The following RAB21 variants were observed in gnomAD, a reference collection of about 807,000 sequenced individuals.
The protein encoded by RAB21 is ras-related protein Rab-21.
A neutral mutation model predicts 33.1 loss-of-function variants in RAB21; 13 were observed. The observed-to-expected ratio is 0.39, with a 90% CI of 0.26 to 0.62. The LOEUF is 0.62. RAB21 is among the 20% of genes least tolerant of loss of function. The pLI, the probability that RAB21 is intolerant of heterozygous loss-of-function variation, is 0.48. For synonymous variants in RAB21, 91 were observed against 103.7 expected (o/e 0.88, Z 0.74); for missense variants, 234 against 279.1 (o/e 0.84, Z 1.15).
intron 6 of RAB21, 93 bp from the exon 7 acceptor site, chr12:71,785,438 C>T: frequency 7.1e-7 from 1 of 1,415,082 alleles, no homozygotes; most frequent in Non-Finnish European, 9.6e-7. Flanking sequence ...GGTCGAAAGT[C>T]AGAAATAGCT....
chr12:71,784,540 C>T (rs181170029), intron 6 of RAB21, among the ~76,000 whole-genome samples: 3 of 151,752 alleles, frequency 2.0e-5, no homozygotes, highest in African/African-American at 7.2e-5. Flanking sequence ...AATAGATGTC[C>T]AGTTCTATTA....
rs1473361599 is a variant in RAB21 at position 71,797,099 on chromosome 12, G to T, written c.*11426G>T. On this transcript the variant is annotated 3_prime_UTR_variant, in exon 7 of 7. Coordinates refer to ENST00000261263, the MANE Select transcript of RAB21 (RefSeq NM_014999.4). ...ATTCTATGTGGAGCATTTTACAGGG[G>T]CTCTGAAAGGTATACAAAATGTACT... The T allele has an allele frequency of 6.6e-6, 1 of 152,062 alleles. No homozygotes were observed. Among genetic ancestry groups the T allele is most frequent in the Non-Finnish European group, 1.5e-5 (1 of 67,968 alleles). The allele number at this position is 152,062 out of a possible 1,614,324, so 9.4% of individuals were successfully genotyped here.
At chr12:71,762,406 C>T (rs1399816143) in intron 1 of RAB21, among the ~76,000 whole-genome samples, 6 of 151,966 alleles carry the variant, frequency 3.9e-5, no homozygotes, top group Admixed American at 2.0e-4. Context: ...CCCAGGTTCA[C>T]GCCATTCTCC....
At chr12:71,782,493 T>C in intron 5 of RAB21, 77 bp from the exon 6 acceptor site, 1 of 959,650 alleles carries the variant, frequency 1.0e-6, no homozygotes. Flanking sequence ...TCACTAAAAC[T>C]GTTACTATAA....
Position 71,792,774 on chromosome 12 carries a change from G to A in RAB21, c.*7101G>A, listed in dbSNP as rs1592654294. On this transcript the variant is annotated 3_prime_UTR_variant, in exon 7 of 7. Coordinates refer to ENST00000261263, the MANE Select transcript of RAB21 (RefSeq NM_014999.4). ...GATAGCCAAAGTGCCTTCCTTTATC[G>A]TTGGAACCTAGAGATGAGCTGATAC... 1 of 152,126 alleles carries A rather than the reference G, an allele frequency of 6.6e-6. No individual in the cohort carries two copies. The highest frequency in any genetic ancestry group is 2.1e-4 in the South Asian group (1 of 4,830). The allele number at this position is 152,126 out of a possible 1,614,324, so 9.4% of individuals were successfully genotyped here. A position where few individuals can be genotyped will look rare whatever the true frequency, so the allele number is the denominator to read the frequency against.
In RAB21 at chr12:71,794,427, A is replaced by ATATATATATT. The variant is rs1883435502; in HGVS notation, c.*8755_*8756insATATATATTT. ...ATATTATATATATATATATATATAT[A>ATATATATATT]TTTTTTTTTTTTTTTTTTTTTTTTT... On this transcript the variant is annotated 3_prime_UTR_variant, in exon 7 of 7. Coordinates refer to ENST00000261263, the MANE Select transcript of RAB21 (RefSeq NM_014999.4). 3.6e-5 allele frequency: 1 copy of ATATATATATT among 27,970 alleles called. No individual in the cohort carries two copies. The highest frequency in any genetic ancestry group is 1.3e-4 in the African/African-American group (1 of 7,902). The allele number at this position is 27,970 out of a possible 1,614,324, so 1.7% of individuals were successfully genotyped here. A position where few individuals can be genotyped will look rare whatever the true frequency, so the allele number is the denominator to read the frequency against.
intron 4 of RAB21, among the ~76,000 whole-genome samples, chr12:71,780,813 C>T (rs1488116703): frequency 6.6e-6 from 1 of 152,160 alleles, no homozygotes; most frequent in African/African-American, 2.4e-5. Flanking sequence ...GAAATTGTCT[C>T]CTAGAATCTA....
chr12:71,756,876 A>G (rs1053755542), intron 1 of RAB21, among the ~76,000 whole-genome samples: 11 of 152,176 alleles, frequency 7.2e-5, no homozygotes, highest in African/African-American at 2.7e-4. Context: ...TGAAGTGGAT[A>G]GTTTAGTGGA....
chr12:71,758,368 C>T (rs1030141550), intron 1 of RAB21, among the ~76,000 whole-genome samples: 4 of 152,104 alleles, frequency 2.6e-5, no homozygotes, highest in African/African-American at 9.7e-5. Context: ...TCCTAATTCT[C>T]CCCACTGAGT....
chr12:71,776,740 T>A (rs190940901), intron 4 of RAB21, among the ~76,000 whole-genome samples: 40 of 151,628 alleles, frequency 2.6e-4, no homozygotes, highest in Admixed American at 1.4e-3. Flanking sequence ...TTCTGAGAGC[T>A]TATTTACTAC....
chr12:71,757,097 T>C (rs970584133), intron 1 of RAB21, among the ~76,000 whole-genome samples: 11 of 152,170 alleles, frequency 7.2e-5, no homozygotes, highest in African/African-American at 2.4e-4. Context: ...AAGAAAACTA[T>C]TGTAATTGAG....
In RAB21 at chr12:71,769,853, C is replaced by T; in HGVS notation, c.213C>T (p.Ala71=). The change falls in exon 2 of 7, where the codon GCC becomes GCT. Residue 71 remains alanine (A), a synonymous_variant. Transcript: ENST00000261263. Reference sequence around the variant, plus strand: ...TTGGTGGGAAAAGAGTAAACCTTGCCATATGGGTAAGTGAACTTTTTCAAC... The same window carrying T: ...TTGGTGGGAAAAGAGTAAACCTTGCTATATGGGTAAGTGAACTTTTTCAAC... The part of the protein sequence containing the change: ...LNIGGKRVNL[A]IWDTAGQERF... 1 of 1,366,118 alleles carries T rather than the reference C, an allele frequency of 7.3e-7. No individual in the cohort carries two copies. 84.6% of individuals were successfully genotyped at this position (1,366,118 alleles called of 1,614,324 possible). A position where few individuals can be genotyped will look rare whatever the true frequency, so the allele number is the denominator to read the frequency against.
rs1399001736 is a variant in RAB21 at position 71,793,110 on chromosome 12, C to T, written c.*7437C>T. 2 of 152,298 alleles carry T rather than the reference C, an allele frequency of 1.3e-5. No individual in the cohort carries two copies. Among genetic ancestry groups the T allele is most frequent in the South Asian group, 2.1e-4 (1 of 4,828 alleles). 9.4% of individuals were successfully genotyped at this position (152,298 alleles called of 1,614,324 possible). Reference sequence around the variant, plus strand: ...AAATTTTGTGGTAGCAGTGAATAAACTGATGCCTCCTGCTTATTTAGACAG... The same window carrying T: ...AAATTTTGTGGTAGCAGTGAATAAATTGATGCCTCCTGCTTATTTAGACAG... On this transcript the variant is annotated 3_prime_UTR_variant, in exon 7 of 7. Transcript: ENST00000261263.
At position 71,790,600 on chromosome 12, in the gene RAB21, A is replaced by G. The variant is rs1883366566; in HGVS notation, c.*4927A>G. 1 of 152,196 alleles carries G rather than the reference A, an allele frequency of 6.6e-6. No homozygotes were observed. Among genetic ancestry groups the G allele is most frequent in the African/African-American group, 2.4e-5 (1 of 41,438 alleles). The allele number at this position is 152,196 out of a possible 1,614,324, so 9.4% of individuals were successfully genotyped here. A position where few individuals can be genotyped will look rare whatever the true frequency, so the allele number is the denominator to read the frequency against. Reference sequence around the variant, plus strand: ...AAAAGAATAAAAAACATATATTGTCAAAGTGCCCTTTGGTAGTGCTCCCAA... The same window carrying G: ...AAAAGAATAAAAAACATATATTGTCGAAGTGCCCTTTGGTAGTGCTCCCAA... On this transcript the variant is annotated 3_prime_UTR_variant, in exon 7 of 7. Transcript: ENST00000261263.
At position 71,775,677 on chromosome 12, in the gene RAB21, C is replaced by T. The variant is rs184571803; in HGVS notation, c.391+1655C>T. On this transcript the variant is annotated intron_variant, in intron 4 of 6. Transcript: ENST00000261263. ...TCAGCCTCCCGAGCAGCTGGGACTACAGGCACGCACCACCACGCCCAGCTA... is the reference window on the plus strand; with the variant it reads ...TCAGCCTCCCGAGCAGCTGGGACTATAGGCACGCACCACCACGCCCAGCTA... Among the ~76,000 whole-genome samples, 4 of 152,242 alleles carry T rather than the reference C, an allele frequency of 2.6e-5. No individual in the cohort carries two copies. The East Asian group carries it at 5.8e-4, about 22-fold the overall frequency.
intron 4 of RAB21, among the ~76,000 whole-genome samples, chr12:71,778,303 T>C (rs116936425): frequency 2.0e-5 from 3 of 152,356 alleles, no homozygotes; most frequent in Non-Finnish European, 2.9e-5. Flanking sequence ...ATCCTTAATA[T>C]TTGTATGTTT....
intron 1 of RAB21, among the ~76,000 whole-genome samples, chr12:71,762,584 T>G (rs923744189): frequency 1.1e-4 from 17 of 152,018 alleles, no homozygotes; most frequent in African/African-American, 3.6e-4. Flanking sequence ...GGATAGGTTT[T>G]GTTTTGTTTT....
intron 4 of RAB21, among the ~76,000 whole-genome samples, chr12:71,780,500 A>G (rs985585365): frequency 1.3e-5 from 2 of 152,224 alleles, no homozygotes; most frequent in Non-Finnish European, 1.5e-5. Flanking sequence ...AAAATTTCCA[A>G]TGACAAATAT....
At chr12:71,766,884 A>G (rs1882969259) in intron 1 of RAB21, among the ~76,000 whole-genome samples, 1 of 152,170 alleles carries the variant, frequency 6.6e-6, no homozygotes, top group Non-Finnish European at 1.5e-5. Context: ...CTGTCCTAAG[A>G]AGATAGATGT....
Sources: gnomAD v4.1 joint callset for allele counts (sites outside exome capture counted in the v4.1 genomes callset) on GRCh38, gnomAD v4.1.1 for gene constraint, MANE v1.5 for transcripts, NCBI Gene and HGNC (gene_info 2026-07-23, HGNC 2026-07-21) for gene names.